USP17L7: variants seen among roughly 807,000 people sequenced by gnomAD.
USP17L7 encodes inactive ubiquitin carboxyl-terminal hydrolase 17-like protein 7.
Under a neutral mutation model 37.6 loss-of-function variants are expected in USP17L7, and 53 were observed. That is an observed-to-expected ratio of 1.41 (90% confidence interval 1.13 to 1.77). The LOEUF (loss-of-function observed/expected upper bound fraction) is 1.77, where lower values mean the gene tolerates loss of function less well. USP17L7 is among the 40% of genes most tolerant of loss of function. USP17L7 has a pLI of 0.00. For missense variants in USP17L7, 914 were observed against 645.0 expected (o/e 1.42, Z -4.52); for synonymous variants, 330 against 251.0 (o/e 1.31, Z -2.98).
chr8:12,133,737 C>A lies in USP17L7; in HGVS notation c.273G>T (p.Val91=). The change falls in exon 1 of 1, where the codon GTG becomes GTT. Residue 91 remains valine (V), a synonymous_variant. Coordinates refer to ENST00000530447, the MANE Select transcript of USP17L7 (RefSeq NM_001256869.2). ...ATGTCAGGCACTGCAGGGAAACGTT[C>A]ACATAGAAGGTATTTCCTATCTTCT... is the stretch of plus-strand genomic sequence containing the variant. ...GLQKIGNTFY[V]NVSLQCLTYT... The A allele has an allele frequency of 7.2e-7, 1 of 1,386,208 alleles. No individual in the cohort carries two copies. Among genetic ancestry groups the A allele is most frequent in the Non-Finnish European group, 1.0e-6 (1 of 998,022 alleles). The allele number at this position is 1,386,208 out of a possible 1,614,324, so 85.9% of individuals were successfully genotyped here.
rs750156517 is a variant in USP17L7, at chr8:12,133,606, G to A, written c.404C>T (p.Ala135Val). The A allele has an allele frequency of 2.9e-5, 37 of 1,264,714 alleles. 5 individuals are homozygous for A. The highest frequency in any genetic ancestry group is 2.5e-4 in the South Asian group (19 of 74,634). The allele number at this position is 1,264,714 out of a possible 1,614,324, so 78.3% of individuals were successfully genotyped here. The change falls in exon 1 of 1, where the codon GCC (alanine) becomes GTC (valine). Residue 135 changes from alanine to valine, a missense_variant. Coordinates refer to ENST00000530447, the MANE Select transcript of USP17L7 (RefSeq NM_001256869.2). ...FCTMQAHITW[A>V]LHSPGHVIQP... ...GATGACATGGCCAGGACTGTGGAGG[G>A]CCCATGTGATGTGAGCTTGCATAGT...
Position 12,133,559 on chromosome 8 carries a change from C to A in USP17L7, c.451G>T (p.Ala151Ser), listed in dbSNP as rs558363901. The A allele has an allele frequency of 9.2e-5, 129 of 1,400,864 alleles. 1 individual carries two copies. The highest frequency in any genetic ancestry group is 2.5e-4 in the Admixed American group (14 of 57,018). The allele number at this position is 1,400,864 out of a possible 1,614,324, so 86.8% of individuals were successfully genotyped here. ...TCCTGCTCACCTCTATGGAAGCCAG[C>A]AGCCAATACCTGTGAGGGCTGGATG... ...HVIQPSQVLA[A>S]GFHRGEQEDA... The change falls in exon 1 of 1, where the codon GCT (alanine) becomes TCT (serine). Residue 151 changes from alanine to serine, a missense_variant. Ala to Ser is a moderately conservative substitution (Grantham distance 99). Transcript: ENST00000530447.
chr8:12,133,357 T>A lies in USP17L7; in HGVS notation c.653A>T (p.Asp218Val), dbSNP rs183048633. ...LHCHGVSDTFDPYLDIALDIQ... is the reference protein window; with the variant it reads ...LHCHGVSDTFVPYLDIALDIQ... ...ATCCAGGGCGATGTCCAGGTAAGGG[T>A]CAAAGGTGTCTGAAACGCCGTGGCA... Residue 218 changes from aspartate (D) to valine (V), a missense_variant, in exon 1 of 1, where the codon GAC becomes GTC. By Grantham distance (152) the Asp-to-Val change is radical. Transcript: ENST00000530447. 21,417 of 1,467,394 alleles carry A rather than the reference T, an allele frequency of 0.015. 782 individuals are homozygous for A. The highest frequency in any genetic ancestry group is 0.031 in the Middle Eastern group (125 of 4,024). 90.9% of individuals were successfully genotyped at this position (1,467,394 alleles called of 1,614,324 possible).
At position 12,133,597 on chromosome 8, in the gene USP17L7, CT is replaced by C. The variant is rs1803040870; in HGVS notation, c.412del (p.Ser138ValfsTer35). 7.7e-7 allele frequency: 1 copy of C among 1,302,498 alleles called. No homozygotes were observed. Among genetic ancestry groups the C allele is most frequent in the Non-Finnish European group, 1.1e-6 (1 of 922,712 alleles). The allele number at this position is 1,302,498 out of a possible 1,614,324, so 80.7% of individuals were successfully genotyped here. The stretch of plus-strand genomic sequence containing the variant: ...TGAGGGCTGGATGACATGGCCAGGA[CT>C]GTGGAGGGCCCATGTGATGTGAGCT... Reference protein sequence around the residue: ...MQAHITWALHSPGHVIQPSQV... With the variant: ...MQAHITWALHXPGHVIQPSQV... On this transcript the variant is annotated frameshift_variant, in exon 1 of 1. Transcript: ENST00000530447. LOFTEE classifies it high-confidence loss of function.
rs752447823 is a variant in USP17L7, at chr8:12,132,850, C to G, written c.1160G>C (p.Arg387Thr). ...EWERHSESVS[R>T]GREPRALGAE... ...ACCAAGGGCTCTTGGTTCCCTGCCT[C>G]TTGACACACTCTCACTGTGTCTTTC... Residue 387 changes from arginine (R) to threonine (T), a missense_variant, in exon 1 of 1, where the codon AGA becomes ACA. By Grantham distance (71) the Arg-to-Thr change is moderately conservative. Transcript: ENST00000530447. 6.7e-7 allele frequency: 1 copy of G among 1,501,856 alleles called. No homozygotes were observed. The highest frequency in any genetic ancestry group is 9.1e-7 in the Non-Finnish European group (1 of 1,100,748). The allele number at this position is 1,501,856 out of a possible 1,614,324, so 93.0% of individuals were successfully genotyped here.
rs767185230 is a variant in USP17L7 at position 12,133,604 on chromosome 8, G to A, written c.406C>T (p.Leu136Phe). 1.7e-5 allele frequency: 22 copies of A among 1,262,914 alleles called. 4 individuals carry two copies. In the East Asian group the frequency reaches 5.4e-4, roughly 31 times the overall value. 78.2% of individuals were successfully genotyped at this position (1,262,914 alleles called of 1,614,324 possible). ...CTMQAHITWALHSPGHVIQPS... is the reference protein window; with the variant it reads ...CTMQAHITWAFHSPGHVIQPS... Reference sequence around the variant, plus strand: ...TGGATGACATGGCCAGGACTGTGGAGGGCCCATGTGATGTGAGCTTGCATA... The same window carrying A: ...TGGATGACATGGCCAGGACTGTGGAAGGCCCATGTGATGTGAGCTTGCATA... Residue 136 changes from leucine (L) to phenylalanine (F), a missense_variant, in exon 1 of 1, where the codon CTC becomes TTC. Physicochemically the swap from Leu to Phe is conservative, Grantham distance 22 (BLOSUM62 0). Coordinates refer to ENST00000530447, the MANE Select transcript of USP17L7 (RefSeq NM_001256869.2).
In USP17L7 at chr8:12,134,078, C is replaced by T. The variant is rs1366685392; in HGVS notation, c.-69G>A. The T allele has an allele frequency of 1.2e-5, 10 of 810,264 alleles. 1 individual carries two copies. In the East Asian group the frequency reaches 2.5e-4, roughly 20 times the overall value. The allele number at this position is 810,264 out of a possible 1,614,324, so 50.2% of individuals were successfully genotyped here. A position where few individuals can be genotyped will look rare whatever the true frequency, so the allele number is the denominator to read the frequency against. On this transcript the variant is annotated 5_prime_UTR_variant, in exon 1 of 1. Transcript: ENST00000530447. ...AGGTTGCAGCAAGACGCTATCTCTT[C>T]CGAGAGAGTCTTCAAATGACCAGCT...
chr8:12,133,529 C>A lies in USP17L7; in HGVS notation c.481G>T (p.Ala161Ser). ...ACAGTAAACATGAGAAATTCATGGG[C>A]ATCCTCCTGCTCACCTCTATGGAAG... ...AGFHRGEQEDAHEFLMFTVDA... is the reference protein window; with the variant it reads ...AGFHRGEQEDSHEFLMFTVDA... Residue 161 changes from alanine (A) to serine (S), a missense_variant, in exon 1 of 1, where the codon GCC becomes TCC. By Grantham distance (99) the Ala-to-Ser change is moderately conservative. Coordinates refer to ENST00000530447, the MANE Select transcript of USP17L7 (RefSeq NM_001256869.2). The A allele has an allele frequency of 6.9e-7, 1 of 1,455,970 alleles. No individual in the cohort carries two copies. The allele number at this position is 1,455,970 out of a possible 1,614,324, so 90.2% of individuals were successfully genotyped here. A position where few individuals can be genotyped will look rare whatever the true frequency, so the allele number is the denominator to read the frequency against.
chr8:12,132,986 G>T lies in USP17L7; in HGVS notation c.1024C>A (p.Gln342Lys), dbSNP rs1802991486. The T allele has an allele frequency of 6.5e-7, 1 of 1,532,728 alleles. No homozygotes were observed. The highest frequency in any genetic ancestry group is 1.4e-5 in the African/African-American group (1 of 72,110). 94.9% of individuals were successfully genotyped at this position (1,532,728 alleles called of 1,614,324 possible). Reference protein sequence around the residue: ...NGHYFSYVKAQEGQWYKMDDA... With the variant: ...NGHYFSYVKAKEGQWYKMDDA... ...TCCATTTTATACCACTGGCCTTCTT[G>T]AGCTTTGACATAAGAGAAGTAATGT... Residue 342 changes from glutamine (Q) to lysine (K), a missense_variant, in exon 1 of 1, where the codon CAA becomes AAA. Physicochemically the swap from Gln to Lys is moderately conservative, Grantham distance 53. Coordinates refer to ENST00000530447, the MANE Select transcript of USP17L7 (RefSeq NM_001256869.2).
rs188668641 is a variant in USP17L7 at position 12,133,374 on chromosome 8, G to C, written c.636C>G (p.Gly212=). Residue 212 remains glycine, a synonymous_variant, in exon 1 of 1, where the codon GGC becomes GGG. Transcript: ENST00000530447. ...GGTAAGGGTCAAAGGTGTCTGAAAC[G>C]CCGTGGCAGTGGAGATACTTGATTT... ...RSQIKYLHCH[G]VSDTFDPYLD... 168 of 1,462,368 alleles carry C rather than the reference G, an allele frequency of 1.1e-4. 16 individuals carry two copies. The highest frequency in any genetic ancestry group is 3.4e-5 in the Non-Finnish European group (37 of 1,073,982). 90.6% of individuals were successfully genotyped at this position (1,462,368 alleles called of 1,614,324 possible).
Position 12,132,632 on chromosome 8 carries a change from G to T in USP17L7, c.1378C>A (p.Pro460Thr), listed in dbSNP as rs753431189. The T allele has an allele frequency of 3.3e-6, 5 of 1,535,106 alleles. 1 individual carries two copies. The African/African-American group carries it at 5.6e-5, about 17-fold the overall frequency. ...FNVRKVEGTL[P>T]PNVLVIHQSK... ...TGATGAATCACAAGTACGTTGGGAGGCAGGGTACCTTCAACTTTTCTGACG... is the reference window on the plus strand; with the variant it reads ...TGATGAATCACAAGTACGTTGGGAGTCAGGGTACCTTCAACTTTTCTGACG... Residue 460 changes from proline (P) to threonine (T), a missense_variant, in exon 1 of 1, where the codon CCT becomes ACT. Transcript: ENST00000530447.
rs538982704 is a variant in USP17L7 at position 12,134,039 on chromosome 8, T to C, written c.-30A>G. On this transcript the variant is annotated 5_prime_UTR_variant, in exon 1 of 1. Coordinates refer to ENST00000530447, the MANE Select transcript of USP17L7 (RefSeq NM_001256869.2). ...CCCGCAACAAGGATCACAAGGTTTT[T>C]CTGCTGGGACCGCAGGTTGCAGCAA... The C allele has an allele frequency of 1.5e-3, 1,396 of 916,742 alleles. 180 individuals are homozygous for C. Among genetic ancestry groups the C allele is most frequent in the Non-Finnish European group, 1.3e-3 (755 of 573,674 alleles). The allele number at this position is 916,742 out of a possible 1,614,324, so 56.8% of individuals were successfully genotyped here.
At position 12,132,771 on chromosome 8, in the gene USP17L7, A is replaced by G. The variant is rs748937319; in HGVS notation, c.1239T>C (p.Pro413=). 3.5e-5 allele frequency: 53 copies of G among 1,523,378 alleles called. 6 individuals carry two copies. The highest frequency in any genetic ancestry group is 8.4e-5 in the African/African-American group (6 of 71,716). The allele number at this position is 1,523,378 out of a possible 1,614,324, so 94.4% of individuals were successfully genotyped here. Residue 413 remains proline, a synonymous_variant, in exon 1 of 1, where the codon CCT becomes CCC. Coordinates refer to ENST00000530447, the MANE Select transcript of USP17L7 (RefSeq NM_001256869.2). The part of the protein sequence containing the change: ...ATQGELKRDH[P]CLQVPELDEH... ...CGTCCAACTCGGGTACCTGGAGGCA[A>G]GGGTGGTCTCTCTTGAGCTCTCCTT...
At position 12,133,689 on chromosome 8, in the gene USP17L7, G is replaced by A. The variant is rs555747527; in HGVS notation, c.321C>T (p.Tyr107=). 9 of 1,267,190 alleles carry A rather than the reference G, an allele frequency of 7.1e-6. No individual in the cohort carries two copies. In the South Asian group the frequency reaches 9.4e-5, roughly 13 times the overall value. The allele number at this position is 1,267,190 out of a possible 1,614,324, so 78.5% of individuals were successfully genotyped here. ...TTTGAGAGTCCTCCCGGGACAGCAT[G>A]TAGTTGGAAAGCGGCAGTGTGTATG... ...CLTYTLPLSN[Y]MLSREDSQTC... The change falls in exon 1 of 1, where the codon TAC becomes TAT. Residue 107 remains tyrosine (Y), a synonymous_variant. Coordinates refer to ENST00000530447, the MANE Select transcript of USP17L7 (RefSeq NM_001256869.2).
Position 12,132,814 on chromosome 8 carries a change from G to A in USP17L7, c.1196C>T (p.Thr399Ile). 1 of 1,519,862 alleles carries A rather than the reference G, an allele frequency of 6.6e-7. No individual in the cohort carries two copies. Among genetic ancestry groups the A allele is most frequent in the Non-Finnish European group, 9.0e-7 (1 of 1,116,670 alleles). 94.1% of individuals were successfully genotyped at this position (1,519,862 alleles called of 1,614,324 possible). Residue 399 changes from threonine (T) to isoleucine (I), a missense_variant, in exon 1 of 1, where the codon ACA becomes ATA. Physicochemically the swap from Thr to Ile is moderately conservative, Grantham distance 89. Coordinates refer to ENST00000530447, the MANE Select transcript of USP17L7 (RefSeq NM_001256869.2). ...REPRALGAED[T>I]DRPATQGELK... is the part of the protein sequence containing the mutation. ...CTCTCCTTGCGTTGCTGGCCTGTCT[G>A]TGTCTTCAGCACCAAGGGCTCTTGG...
chr8:12,132,769 C>T lies in USP17L7; in HGVS notation c.1241G>A (p.Cys414Tyr). Residue 414 changes from cysteine to tyrosine, a missense_variant, in exon 1 of 1, where the codon TGC becomes TAC. By Grantham distance (194) the Cys-to-Tyr change is radical. Transcript: ENST00000530447. Reference sequence around the variant, plus strand: ...CTCGTCCAACTCGGGTACCTGGAGGCAAGGGTGGTCTCTCTTGAGCTCTCC... The same window carrying T: ...CTCGTCCAACTCGGGTACCTGGAGGTAAGGGTGGTCTCTCTTGAGCTCTCC... ...TQGELKRDHP[C>Y]LQVPELDEHL... 7 of 1,523,512 alleles carry T rather than the reference C, an allele frequency of 4.6e-6. No individual in the cohort carries two copies. The highest frequency in any genetic ancestry group is 6.3e-6 in the Non-Finnish European group (7 of 1,119,820). The allele number at this position is 1,523,512 out of a possible 1,614,324, so 94.4% of individuals were successfully genotyped here. A position where few individuals can be genotyped will look rare whatever the true frequency, so the allele number is the denominator to read the frequency against.
chr8:12,132,812 C>G lies in USP17L7; in HGVS notation c.1198G>C (p.Asp400His), dbSNP rs560546561. ...EPRALGAEDT[D>H]RPATQGELKR... ...AGCTCTCCTTGCGTTGCTGGCCTGT[C>G]TGTGTCTTCAGCACCAAGGGCTCTT... is the stretch of plus-strand genomic sequence containing the variant. The change falls in exon 1 of 1, where the codon GAC becomes CAC. Residue 400 changes from aspartate to histidine, a missense_variant. By Grantham distance (81) the Asp-to-His change is moderately conservative. Transcript: ENST00000530447. 368 of 1,519,834 alleles carry G rather than the reference C, an allele frequency of 2.4e-4. 25 individuals are homozygous for G. Among genetic ancestry groups the G allele is most frequent in the Non-Finnish European group, 3.1e-4 (343 of 1,116,608 alleles). The allele number at this position is 1,519,834 out of a possible 1,614,324, so 94.1% of individuals were successfully genotyped here.
rs11991871 is a variant in USP17L7, at chr8:12,133,329, G to A, written c.681C>T (p.Ile227=). Residue 227 remains isoleucine, a synonymous_variant, in exon 1 of 1, where the codon ATC becomes ATT. Transcript: ENST00000530447. The part of the protein sequence containing the change: ...FDPYLDIALD[I]QAAQSVKQAL... The stretch of plus-strand genomic sequence containing the variant: ...CTTGCTTGACACTCTGAGCTGCCTG[G>A]ATATCCAGGGCGATGTCCAGGTAAG... The A allele has an allele frequency of 2.8e-4, 427 of 1,506,874 alleles. 6 individuals are homozygous for A. In the African/African-American group the frequency reaches 5.4e-3, roughly 19 times the overall value. 93.3% of individuals were successfully genotyped at this position (1,506,874 alleles called of 1,614,324 possible).
At position 12,133,738 on chromosome 8, in the gene USP17L7, A is replaced by G; in HGVS notation, c.272T>C (p.Val91Ala). ...GLQKIGNTFY[V>A]NVSLQCLTYT... ...TGTCAGGCACTGCAGGGAAACGTTC[A>G]CATAGAAGGTATTTCCTATCTTCTG... The change falls in exon 1 of 1, where the codon GTG becomes GCG. Residue 91 changes from valine to alanine, a missense_variant. Transcript: ENST00000530447. 1 of 1,385,666 alleles carries G rather than the reference A, an allele frequency of 7.2e-7. No homozygotes were observed. Among genetic ancestry groups the G allele is most frequent in the Non-Finnish European group, 1.0e-6 (1 of 997,758 alleles). The allele number at this position is 1,385,666 out of a possible 1,614,324, so 85.8% of individuals were successfully genotyped here.
Sources: gnomAD v4.1 joint callset for allele counts on GRCh38, gnomAD v4.1.1 for gene constraint, MANE v1.5 for transcripts, NCBI Gene and HGNC (gene_info 2026-07-23, HGNC 2026-07-21) for gene names.